Variants in MCU observed in about 807,000 individuals in gnomAD.
The protein encoded by MCU is mitochondrial calcium uniporter, also known as calcium uniporter protein, mitochondrial.
In MCU, 12 loss-of-function variants were observed where a neutral mutation model predicts 45.2. The ratio of observed to expected loss-of-function variants is 0.27; its 90% CI spans 0.17 to 0.43. The LOEUF (loss-of-function observed/expected upper bound fraction) is 0.43. Ranked by LOEUF, MCU falls within the 20% of genes least tolerant of loss-of-function variation. The pLI, the probability that MCU is intolerant of heterozygous loss-of-function variation, is 1.00. For synonymous variants in MCU, 160 were observed against 165.1 expected, an observed-to-expected ratio of 0.97 and a Z score of 0.24; for missense variants, 324 against 436.7, an observed-to-expected ratio of 0.74 and a Z score of 2.30.
intron 1 of MCU, among the ~76,000 whole-genome samples, chr10:72,792,150 A>G (rs1039890014): frequency 3.9e-5 from 6 of 152,210 alleles, no homozygotes; most frequent in African/African-American, 1.4e-4. Context: ...GCAGGGCACC[A>G]AGCAAGGAGG....
intron 1 of MCU, among the ~76,000 whole-genome samples, chr10:72,765,021 G>A (rs902646081): frequency 6.6e-6 from 1 of 151,592 alleles, no homozygotes; most frequent in African/African-American, 2.4e-5. Context: ...GGAGGCCGAG[G>A]TGGGCAGATC....
At chr10:72,860,935 T>C (rs1051680190) in intron 4 of MCU, among the ~76,000 whole-genome samples, 1 of 152,228 alleles carries the variant, frequency 6.6e-6, no homozygotes, top group African/African-American at 2.4e-5. Context: ...GCTTTTTTTA[T>C]GGCTCAAGGT....
chr10:72,734,020 A>G (rs1239211637), intron 1 of MCU, among the ~76,000 whole-genome samples: 4 of 152,190 alleles, frequency 2.6e-5, no homozygotes. Context: ...GTAAATAATA[A>G]TTATGTTAAT....
chr10:72,813,711 A>G (rs1234191114), intron 1 of MCU, among the ~76,000 whole-genome samples: 4 of 152,136 alleles, frequency 2.6e-5, no homozygotes, highest in African/African-American at 9.6e-5. Context: ...TGCCCGCCTC[A>G]GCCTCCCAAA....
intron 1 of MCU, among the ~76,000 whole-genome samples, chr10:72,741,261 G>A (rs889969454): frequency 4.0e-5 from 6 of 151,874 alleles, no homozygotes; most frequent in African/African-American, 1.2e-4. Flanking sequence ...CACCACACCC[G>A]GCTAATTTTT....
At chr10:72,868,671 A>T in intron 4 of MCU, 32 bp from the exon 5 acceptor site, 1 of 1,607,024 alleles carries the variant, frequency 6.2e-7, no homozygotes, top group Non-Finnish European at 8.5e-7. Flanking sequence ...TTTAAGGCAT[A>T]CATTTTTTAA....
intron 1 of MCU, chr10:72,767,047 C>T (rs912654243): frequency 6.6e-6 from 1 of 152,138 alleles, no homozygotes; most frequent in Non-Finnish European, 1.5e-5. Context: ...TTTTATCATT[C>T]TATAAGTTCC....
chr10:72,867,866 A>C (rs1845481748), intron 4 of MCU, among the ~76,000 whole-genome samples: 1 of 151,732 alleles, frequency 6.6e-6, no homozygotes, highest in African/African-American at 2.4e-5. Context: ...AAAAAAAAAA[A>C]AAAAAAAGAT....
At chr10:72,802,026 C>CACCT (rs1844350592) in intron 1 of MCU, among the ~76,000 whole-genome samples, 2 of 152,108 alleles carry the variant, frequency 1.3e-5, no homozygotes, top group South Asian at 4.1e-4. Flanking sequence ...TCCTTTAAGC[C>CACCT]ACCTATGTGG....
intron 6 of MCU, among the ~76,000 whole-genome samples, chr10:72,876,959 T>C (rs1845627180): frequency 6.6e-6 from 1 of 151,308 alleles, no homozygotes; most frequent in Non-Finnish European, 1.5e-5. Context: ...TTTTACTCTG[T>C]CTCCTAGGCT....
intron 7 of MCU, 130 bp from the exon 8 acceptor site, chr10:72,885,615 C>T (rs1229169622): frequency 4.6e-6 from 3 of 648,430 alleles, no homozygotes; most frequent in Admixed American, 5.4e-5. Flanking sequence ...TCAAGGCACT[C>T]TTATTTTGAG....
intron 1 of MCU, among the ~76,000 whole-genome samples, chr10:72,724,113 C>T (rs1229136695): frequency 6.6e-6 from 1 of 152,182 alleles, no homozygotes; most frequent in East Asian, 1.9e-4. Flanking sequence ...TTCCCTATTA[C>T]ACATGTATGT....
intron 1 of MCU, among the ~76,000 whole-genome samples, chr10:72,707,764 A>G (rs1447918859): frequency 1.3e-5 from 2 of 151,830 alleles, no homozygotes; most frequent in East Asian, 3.9e-4. Context: ...AAGTGACTTA[A>G]CCCCTTTGGT....
chr10:72,813,545 G>A (rs971872494), intron 1 of MCU, among the ~76,000 whole-genome samples: 1 of 128,250 alleles, frequency 7.8e-6, no homozygotes. Flanking sequence ...TGCAACTTCC[G>A]CCTCCTGGGA....
At chr10:72,743,909 C>A (rs1474012726) in intron 1 of MCU, among the ~76,000 whole-genome samples, 1 of 152,044 alleles carries the variant, frequency 6.6e-6, no homozygotes, top group Non-Finnish European at 1.5e-5. Context: ...GGATACTGTT[C>A]TATAGTATAA....
intron 6 of MCU, among the ~76,000 whole-genome samples, chr10:72,874,656 A>T (rs1253801918): frequency 1.3e-5 from 2 of 152,158 alleles, no homozygotes; most frequent in Admixed American, 6.5e-5. Context: ...AATTTTTAGC[A>T]CCTAGTTGCA....
intron 1 of MCU, among the ~76,000 whole-genome samples, chr10:72,759,581 C>T (rs1438219565): frequency 1.3e-5 from 2 of 152,004 alleles, no homozygotes; most frequent in African/African-American, 4.8e-5. Context: ...TAAATTAAGT[C>T]TATGAAATTT....
chr10:72,708,059 G>A (rs1201309498), intron 1 of MCU, among the ~76,000 whole-genome samples: 2 of 152,160 alleles, frequency 1.3e-5, no homozygotes, highest in African/African-American at 4.8e-5. Flanking sequence ...TAGATGGCTT[G>A]TGTAAAATCA....
At chr10:72,843,827 T>G (rs915162774) in intron 2 of MCU, among the ~76,000 whole-genome samples, 1 of 104,768 alleles carries the variant, frequency 9.5e-6, no homozygotes, top group African/African-American at 2.9e-5. Context: ...TCTTTTCCCC[T>G]TGTTTAAACT....
Sources: allele counts gnomAD v4.1 joint callset (sites outside exome capture counted in the v4.1 genomes callset), GRCh38; gene constraint gnomAD v4.1.1; transcripts MANE v1.5; gene names NCBI Gene and HGNC (gene_info 2026-07-23, HGNC 2026-07-21).